The following NFASC variants were observed in gnomAD, a reference collection of about 807,000 sequenced individuals.
NFASC encodes the protein neurofascin homolog.
Under a neutral mutation model 147.5 loss-of-function variants are expected in NFASC, and 43 were observed. That is an observed-to-expected ratio of 0.29 (90% CI 0.23 to 0.38). The LOEUF is 0.38. Among genes scored for constraint, NFASC ranks in the 10% least tolerant of loss-of-function variants. The pLI, the probability that NFASC is intolerant of heterozygous loss-of-function variation, is 1.00. For synonymous variants in NFASC, 622 were observed against 665.5 expected (o/e 0.93, Z 1.01); for missense variants, 1,320 against 1,689.0 (o/e 0.78, Z 3.83).
At chr1:204,850,030 G>A (rs1223499390) in intron 1 of NFASC, among the ~76,000 whole-genome samples, 3 of 152,186 alleles carry the variant, frequency 2.0e-5, no homozygotes, top group Non-Finnish European at 4.4e-5. Flanking sequence ...CCTGCAGTGG[G>A]CTCTGGAACC....
Position 204,952,087 on chromosome 1 carries a change from G to A in NFASC, c.186G>A (p.Glu62=). ...IVDPRDNILI[E]CEAKGNPAPS... Reference sequence around the variant, plus strand: ...ACCCCCGTGATAACATCCTGATTGAGTGTGAAGCAAAAGGGAACCCTGCCC... The same window carrying A: ...ACCCCCGTGATAACATCCTGATTGAATGTGAAGCAAAAGGGAACCCTGCCC... The change falls in exon 5 of 30, where the codon GAG becomes GAA. Residue 62 remains glutamate, a synonymous_variant. Coordinates refer to ENST00000339876, the MANE Select transcript of NFASC (RefSeq NM_001005388.3). 1.2e-6 allele frequency: 2 copies of A among 1,614,108 alleles called. No individual in the cohort carries two copies.
rs2096398930 is a variant in NFASC, at chr1:205,021,268, T to A, written c.*4729T>A. 1 of 152,532 alleles carries A rather than the reference T, an allele frequency of 6.6e-6. No individual in the cohort carries two copies. The highest frequency in any genetic ancestry group is 2.4e-5 in the African/African-American group (1 of 41,398). 9.4% of individuals were successfully genotyped at this position (152,532 alleles called of 1,614,324 possible). ...GTCCTTTCTTTCCCTTCCTTACTAATAATGGGCCTTCCTGAGACACATTCA... is the reference window on the plus strand; with the variant it reads ...GTCCTTTCTTTCCCTTCCTTACTAAAAATGGGCCTTCCTGAGACACATTCA... On this transcript the variant is annotated 3_prime_UTR_variant, in exon 30 of 30. Transcript: ENST00000339876.
chr1:204,904,911 T>C (rs1335985631), intron 1 of NFASC, among the ~76,000 whole-genome samples: 2 of 152,060 alleles, frequency 1.3e-5, no homozygotes, highest in African/African-American at 4.8e-5. Context: ...TGCTTACTTA[T>C]TTATAATAAT....
chr1:205,003,468 C>T (rs745878306), intron 27 of NFASC, among the ~76,000 whole-genome samples: 1 of 152,192 alleles, frequency 6.6e-6, no homozygotes, highest in Non-Finnish European at 1.5e-5. Context: ...TCAGCAATCT[C>T]TGTGCTAGTA....
chr1:204,924,874 G>A (rs2091204576), intron 2 of NFASC, among the ~76,000 whole-genome samples: 1 of 152,098 alleles, frequency 6.6e-6, no homozygotes, highest in South Asian at 2.1e-4. Flanking sequence ...TATTTTGTTT[G>A]CTTTGTTTTG....
In NFASC at chr1:205,012,760, C is replaced by T. The variant is rs201630337; in HGVS notation, c.3422-37C>T. 5.6e-4 allele frequency: 839 copies of T among 1,499,846 alleles called. 1 individual carries two copies. The highest frequency in any genetic ancestry group is 1.9e-3 in the Admixed American group (111 of 59,872). 92.9% of individuals were successfully genotyped at this position (1,499,846 alleles called of 1,614,324 possible). A position where few individuals can be genotyped will look rare whatever the true frequency, so the allele number is the denominator to read the frequency against. On this transcript the variant is annotated intron_variant, in intron 28 of 29. Coordinates refer to ENST00000339876, the MANE Select transcript of NFASC (RefSeq NM_001005388.3). ...TAGAGAGCAGGGGCATGTACTTAAT[C>T]GTCGTGTCTGTGTCTTTGCTTCTCC...
chr1:204,831,661 A>G (rs1236309886), intron 1 of NFASC, among the ~76,000 whole-genome samples: 1 of 151,814 alleles, frequency 6.6e-6, no homozygotes, highest in Non-Finnish European at 1.5e-5. Flanking sequence ...AGGAAATCAG[A>G]GAGGGGGAAG....
At chr1:204,851,089 C>T (rs1371565669) in intron 1 of NFASC, among the ~76,000 whole-genome samples, 8 of 152,088 alleles carry the variant, frequency 5.3e-5, no homozygotes, top group Non-Finnish European at 1.5e-5. Context: ...TTTTCATTTA[C>T]TGGGAATAAA....
intron 8 of NFASC, among the ~76,000 whole-genome samples, chr1:204,963,150 TG>T (rs2094771469): frequency 6.6e-6 from 1 of 152,036 alleles, no homozygotes; most frequent in African/African-American, 2.4e-5. Context: ...GAGAAGGGGA[TG>T]GGATGAGGGA....
chr1:204,965,298 G>C lies in NFASC; in HGVS notation c.707-2951G>C, dbSNP rs534086191. Among the ~76,000 whole-genome samples the C allele has an allele frequency of 5.1e-4, 77 of 152,286 alleles. 1 individual carries two copies. Among genetic ancestry groups the C allele is most frequent in the South Asian group, 4.2e-4 (2 of 4,816 alleles). Reference sequence around the variant, plus strand: ...TCATCTAGTAATCACTGTTGTCTTAGAGTCTTCCTGTCTCTACTTCTCCAG... The same window carrying C: ...TCATCTAGTAATCACTGTTGTCTTACAGTCTTCCTGTCTCTACTTCTCCAG... On this transcript the variant is annotated intron_variant, in intron 8 of 29. Transcript: ENST00000339876.
intron 1 of NFASC, among the ~76,000 whole-genome samples, chr1:204,886,470 A>G (rs1190721867): frequency 6.6e-6 from 1 of 152,226 alleles, no homozygotes; most frequent in Admixed American, 6.5e-5. Context: ...TATTAGCTAT[A>G]AAAACATAAA....
At chr1:204,916,803 G>T (rs1192209149) in intron 1 of NFASC, among the ~76,000 whole-genome samples, 7 of 152,040 alleles carry the variant, frequency 4.6e-5, no homozygotes, top group Non-Finnish European at 8.8e-5. Context: ...GAACCGCTGG[G>T]CTCAAGCCAT....
intron 8 of NFASC, among the ~76,000 whole-genome samples, chr1:204,966,903 A>G (rs2094975772): frequency 6.6e-6 from 1 of 152,172 alleles, no homozygotes; most frequent in African/African-American, 2.4e-5. Context: ...ACCAGTGCCG[A>G]GGGAGAGAGT....
In NFASC at chr1:205,019,957, G is replaced by C. The variant is rs1198504616; in HGVS notation, c.*3418G>C. On this transcript the variant is annotated 3_prime_UTR_variant, in exon 30 of 30. Transcript: ENST00000339876. ...CGGGAAGTACACTGCCATCGGTCAG[G>C]GGACAGCTGCCTCCCACCTTGCCTG... The C allele has an allele frequency of 6.6e-6, 1 of 152,244 alleles. No individual in the cohort carries two copies. Among genetic ancestry groups the C allele is most frequent in the Non-Finnish European group, 1.5e-5 (1 of 68,052 alleles). The allele number at this position is 152,244 out of a possible 1,614,324, so 9.4% of individuals were successfully genotyped here.
Position 204,988,681 on chromosome 1 carries a change from A to G in NFASC, c.2642A>G (p.Asn881Ser). 1.2e-6 allele frequency: 2 copies of G among 1,614,192 alleles called. No homozygotes were observed. Among genetic ancestry groups the G allele is most frequent in the Non-Finnish European group, 1.7e-6 (2 of 1,180,030 alleles). The change falls in exon 23 of 30, where the codon AAT (asparagine) becomes AGT (serine). Residue 881 changes from asparagine to serine, a missense_variant. By Grantham distance (46) the Asn-to-Ser change is conservative. Transcript: ENST00000339876. Reference sequence around the variant, plus strand: ...CAGATAGTGGAAAACTTCTCTCCCAATCAGACCAAGTTCACGGTGCAAAGA... The same window carrying G: ...CAGATAGTGGAAAACTTCTCTCCCAGTCAGACCAAGTTCACGGTGCAAAGA... The part of the protein sequence containing the change: ...GKQIVENFSP[N>S]QTKFTVQRTD...
intron 17 of NFASC, among the ~76,000 whole-genome samples, chr1:204,978,595 A>C (rs1292673511): frequency 6.6e-6 from 1 of 152,180 alleles, no homozygotes; most frequent in Non-Finnish European, 1.5e-5. Flanking sequence ...ACACTCCCTC[A>C]TCAGCCTTCC....
intron 1 of NFASC, among the ~76,000 whole-genome samples, chr1:204,892,866 G>C (rs1286082308): frequency 6.6e-6 from 1 of 152,222 alleles, no homozygotes; most frequent in African/African-American, 2.4e-5. Context: ...TTGTGCTAAA[G>C]CACGCCCACC....
chr1:204,952,081 G>T lies in NFASC; in HGVS notation c.180G>T (p.Leu60=). Residue 60 remains leucine, a synonymous_variant, in exon 5 of 30, where the codon CTG becomes CTT. Transcript: ENST00000339876. ...DHIVDPRDNI[L]IECEAKGNPA... ...TCGTGGACCCCCGTGATAACATCCT[G>T]ATTGAGTGTGAAGCAAAAGGGAACC... is the stretch of plus-strand genomic sequence containing the variant. The T allele has an allele frequency of 6.2e-7, 1 of 1,614,174 alleles. No homozygotes were observed.
intron 1 of NFASC, chr1:204,870,885 T>C (rs1247185130): frequency 8.3e-7 from 1 of 1,200,498 alleles, no homozygotes; most frequent in African/African-American, 1.6e-5. Context: ...GCAGGGCTGC[T>C]GTGTTTTCTC....
Sources: allele counts gnomAD v4.1 joint callset (sites outside exome capture counted in the v4.1 genomes callset), GRCh38; gene constraint gnomAD v4.1.1; transcripts MANE v1.5; gene names NCBI Gene and HGNC (gene_info 2026-07-23, HGNC 2026-07-21).